Variants in ATPAF1 observed in about 807,000 individuals in gnomAD.
The protein encoded by ATPAF1 is ATP synthase mitochondrial F1 complex assembly factor 1.
A neutral mutation model predicts 43.9 loss-of-function variants in ATPAF1; 26 were observed. The ratio of observed to expected loss-of-function variants is 0.59; its 90% CI spans 0.43 to 0.82. ATPAF1 has a LOEUF of 0.82. Among genes scored for constraint, ATPAF1 ranks in the 40% least tolerant of loss-of-function variants. The pLI, the probability that ATPAF1 is intolerant of heterozygous loss-of-function variation, is 0.00. For missense variants in ATPAF1, 366 were observed against 435.0 expected (o/e 0.84, Z 1.41); for synonymous variants, 157 against 168.0 (o/e 0.93, Z 0.50).
chr1:46,665,923 A>T lies in ATPAF1; in HGVS notation c.267-559T>A, dbSNP rs544434626. 69 of 1,301,338 alleles carry T rather than the reference A, an allele frequency of 5.3e-5. 1 individual carries two copies. The African/African-American group carries it at 7.3e-4, about 14-fold the overall frequency. 80.6% of individuals were successfully genotyped at this position (1,301,338 alleles called of 1,614,324 possible). The stretch of plus-strand genomic sequence containing the variant: ...GATGAAACAACAGAACACATTGTTT[A>T]TGTCAAAATGGGGTTGGTCTTCAGG... On this transcript the variant is annotated intron_variant, in intron 1 of 8. Coordinates refer to ENST00000574428, the Ensembl canonical transcript of ATPAF1.
intron 6 of ATPAF1, among the ~76,000 whole-genome samples, chr1:46,647,592 T>G (rs1017258708): frequency 6.6e-6 from 1 of 152,204 alleles, no homozygotes; most frequent in Non-Finnish European, 1.5e-5. Context: ...CCAGCATTGG[T>G]TGTTACAAAT....
intron 8 of ATPAF1, among the ~76,000 whole-genome samples, chr1:46,642,533 C>G (rs181834703): frequency 7.8e-4 from 119 of 152,256 alleles, no homozygotes; most frequent in African/African-American, 2.8e-3. Context: ...GGTCAATGCT[C>G]TATCTCAGTG....
At chr1:46,667,830 A>G (rs566950789) in intron 1 of ATPAF1, among the ~76,000 whole-genome samples, 1 of 152,272 alleles carries the variant, frequency 6.6e-6, no homozygotes, top group Non-Finnish European at 1.5e-5. Flanking sequence ...TGGAGAACCA[A>G]AGCAGACAAA....
At chr1:46,662,846 TATCTATAC>T (rs1444133925) in intron 2 of ATPAF1, among the ~76,000 whole-genome samples, 1 of 152,222 alleles carries the variant, frequency 6.6e-6, no homozygotes, top group African/African-American at 2.4e-5. Context: ...GTTTGTTACA[TATCTATAC>T]ATGTACCATG....
intron 4 of ATPAF1, among the ~76,000 whole-genome samples, 179 bp downstream of exon 4, chr1:46,657,948 T>C (rs1489030788): frequency 6.6e-6 from 1 of 152,206 alleles, no homozygotes; most frequent in African/African-American, 2.4e-5. Flanking sequence ...ATTAGACATA[T>C]AAGAGTGACA....
At chr1:46,660,044 T>A (rs1557933078) in intron 2 of ATPAF1, among the ~76,000 whole-genome samples, 1 of 151,818 alleles carries the variant, frequency 6.6e-6, no homozygotes, top group Non-Finnish European at 1.5e-5. Flanking sequence ...TGGCACAATG[T>A]CGGCTCACTG....
At chr1:46,661,637 T>C (rs995750300) in intron 2 of ATPAF1, among the ~76,000 whole-genome samples, 1 of 152,168 alleles carries the variant, frequency 6.6e-6, no homozygotes, top group African/African-American at 2.4e-5. Flanking sequence ...TACATACCTA[T>C]TGTTTTATTT....
intron 2 of ATPAF1, chr1:46,664,024 G>T: frequency 3.3e-6 from 2 of 604,322 alleles, no homozygotes; most frequent in Non-Finnish European, 4.8e-6. Flanking sequence ...AATAAGAATG[G>T]ACTGCATGTT....
At chr1:46,647,256 G>A (rs1212429752) in intron 6 of ATPAF1, among the ~76,000 whole-genome samples, 1 of 152,124 alleles carries the variant, frequency 6.6e-6, no homozygotes, top group Non-Finnish European at 1.5e-5. Flanking sequence ...CTGTCTGGTT[G>A]TGGTGTGGAG....
chr1:46,665,473 G>T, intron 1 of ATPAF1, 109 bp from the exon 2 acceptor site: 1 of 1,327,802 alleles, frequency 7.5e-7, no homozygotes. Context: ...ATTCAGAGAG[G>T]TTGAAAAATT....
At chr1:46,640,714 C>T (rs759992934) in intron 8 of ATPAF1, among the ~76,000 whole-genome samples, 4 of 152,186 alleles carry the variant, frequency 2.6e-5, no homozygotes, top group Admixed American at 6.5e-5. Flanking sequence ...ATTCTTAACT[C>T]GTGGGCGTTA....
intron 4 of ATPAF1, among the ~76,000 whole-genome samples, chr1:46,655,662 C>T (rs1676257436): frequency 6.6e-6 from 1 of 151,554 alleles, no homozygotes; most frequent in Admixed American, 6.6e-5. Context: ...TTTTTACTAC[C>T]TTTTTTTTGC....
intron 8 of ATPAF1, among the ~76,000 whole-genome samples, chr1:46,639,046 T>C (rs1175147352): frequency 6.6e-6 from 1 of 152,194 alleles, no homozygotes; most frequent in Non-Finnish European, 1.5e-5. Flanking sequence ...TAAATTATCA[T>C]ACTGACTAGA....
At chr1:46,648,992 T>C (rs1676110664) in intron 6 of ATPAF1, among the ~76,000 whole-genome samples, 1 of 151,352 alleles carries the variant, frequency 6.6e-6, no homozygotes, top group African/African-American at 2.4e-5. Context: ...AAAAAAATGG[T>C]CTCTGCTAAA....
At chr1:46,652,056 A>T (rs1372635345) in intron 6 of ATPAF1, among the ~76,000 whole-genome samples, 2 of 152,302 alleles carry the variant, frequency 1.3e-5, no homozygotes, top group African/African-American at 4.8e-5. Context: ...TCTGAATGTT[A>T]CCAATACAAT....
In ATPAF1 at chr1:46,650,392, GGAGA is replaced by G. The variant is rs537611123; in HGVS notation, c.588+2185_588+2188del. On this transcript the variant is annotated intron_variant, in intron 6 of 8. Coordinates refer to ENST00000574428, the Ensembl canonical transcript of ATPAF1. ...AAAAAAAAAATGCTGGTGAAGATGT[GGAGA>G]AAGAGGAACTTTTGTATAATATTGG... Among the ~76,000 whole-genome samples, 12 of 151,892 alleles carry G rather than the reference GGAGA, an allele frequency of 7.9e-5. No homozygotes were observed. In the East Asian group the frequency reaches 2.3e-3, roughly 29 times the overall value.
chr1:46,656,105 G>A (rs950648248), intron 4 of ATPAF1, among the ~76,000 whole-genome samples: 3 of 152,202 alleles, frequency 2.0e-5, no homozygotes, highest in Admixed American at 6.5e-5. Flanking sequence ...GTAGGGAAGA[G>A]TGCCAGAGGA....
rs777534847 is a variant in ATPAF1, at chr1:46,665,253, TACCTTCTGTTCCACACATTTGATAAAATC to T, written c.349_375+2del. The T allele has an allele frequency of 6.2e-7, 1 of 1,613,314 alleles. No individual in the cohort carries two copies. Among genetic ancestry groups the T allele is most frequent in the South Asian group, 1.1e-5 (1 of 91,074 alleles). ...AAACACCACAAATGGGGGAAGGTCT[TACCTTCTGTTCCACACATTTGATAAAATC>T]ACCTTGCCTGGAATGCCCCACTGGC... On this transcript the variant is annotated splice_donor_variant and coding_sequence_variant, in exon 2 of 9. Transcript: ENST00000574428. LOFTEE classifies it high-confidence loss of function.
intron 1 of ATPAF1, chr1:46,666,090 T>C (rs1279588099): frequency 5.0e-6 from 1 of 198,824 alleles, no homozygotes; most frequent in African/African-American, 2.4e-5. Flanking sequence ...CAGAGTTTCA[T>C]GGGTGAGGTC....
Sources: allele counts gnomAD v4.1 joint callset (sites outside exome capture counted in the v4.1 genomes callset), GRCh38; gene constraint gnomAD v4.1.1; transcripts MANE v1.5; gene names NCBI Gene and HGNC (gene_info 2026-07-23, HGNC 2026-07-21).